Variants in SH3RF1 observed in about 807,000 individuals in gnomAD.
The protein encoded by SH3RF1 is SH3 domain containing ring finger 1.
In SH3RF1, 32 loss-of-function variants were observed where a neutral mutation model predicts 74.0. The observed-to-expected ratio is 0.43, with a 90% CI of 0.33 to 0.58. SH3RF1 has a LOEUF of 0.58. SH3RF1 is among the 20% of genes least tolerant of loss of function. The pLI, the probability that SH3RF1 is intolerant of heterozygous loss-of-function variation, is 0.05. For missense variants in SH3RF1, 954 were observed against 1,130.9 expected (o/e 0.84, Z 2.24); for synonymous variants, 396 against 439.6 (o/e 0.90, Z 1.24).
intron 2 of SH3RF1, among the ~76,000 whole-genome samples, chr4:169,227,489 T>C (rs1375745873): frequency 6.6e-6 from 1 of 152,226 alleles, no homozygotes; most frequent in African/African-American, 2.4e-5. Context: ...GTATCAGGCA[T>C]AGAGTTGGAA....
At chr4:169,140,194 A>G (rs1733761262) in intron 4 of SH3RF1, among the ~76,000 whole-genome samples, 1 of 152,256 alleles carries the variant, frequency 6.6e-6, no homozygotes, top group Admixed American at 6.5e-5. Flanking sequence ...AGGCAGAAAC[A>G]TAAAGCAGCT....
chr4:169,163,180 TCATTAATCATTTG>T (rs1368169942), intron 2 of SH3RF1, among the ~76,000 whole-genome samples: 1 of 151,648 alleles, frequency 6.6e-6, no homozygotes, highest in Non-Finnish European at 1.5e-5. Flanking sequence ...TGTACTCTCA[TCATTAATCATTTG>T]CATAATGAAT....
At chr4:169,098,068 C>T (rs1014929565) in intron 11 of SH3RF1, among the ~76,000 whole-genome samples, 1 of 152,250 alleles carries the variant, frequency 6.6e-6, no homozygotes, top group South Asian at 2.1e-4. Flanking sequence ...TCAAGAAATA[C>T]TCTAAGCCAG....
chr4:169,167,249 A>G (rs1734261666), intron 2 of SH3RF1: 1 of 152,708 alleles, frequency 6.5e-6, no homozygotes, highest in Non-Finnish European at 1.5e-5. Flanking sequence ...AGGCAACTGC[A>G]AAATAAAACC....
intron 1 of SH3RF1, 115 bp from the exon 2 acceptor site, chr4:169,269,422 T>C (rs751491084): frequency 3.9e-6 from 2 of 518,744 alleles, no homozygotes; most frequent in Middle Eastern, 5.1e-4. Context: ...CCTGTCTGAA[T>C]AGTGTAGCTT....
chr4:169,146,656 C>G lies in SH3RF1; in HGVS notation c.765+8824G>C, dbSNP rs1412929061. 2.0e-5 allele frequency among the ~76,000 whole-genome samples: 3 copies of G among 152,098 alleles called. No homozygotes were observed. The East Asian group carries it at 5.8e-4, about 29-fold the overall frequency. ...TTTCAGAGACTGGAGTGACCAGAGG[C>G]TAACACTAACTGCAGGGAGTAAGAA... is the stretch of plus-strand genomic sequence containing the variant. On this transcript the variant is annotated intron_variant, in intron 4 of 11. Transcript: ENST00000284637.
At chr4:169,209,416 G>T (rs1330206752) in intron 2 of SH3RF1, among the ~76,000 whole-genome samples, 1 of 152,044 alleles carries the variant, frequency 6.6e-6, no homozygotes, top group African/African-American at 2.4e-5. Flanking sequence ...TCAGTTTAAG[G>T]TATCGTCCCC....
intron 2 of SH3RF1, among the ~76,000 whole-genome samples, chr4:169,209,113 A>G (rs1730314747): frequency 6.6e-6 from 1 of 151,904 alleles, no homozygotes; most frequent in Admixed American, 6.6e-5. Context: ...ACATGGTGAA[A>G]CCCCATCTCT....
chr4:169,213,444 T>C (rs1673403048), intron 2 of SH3RF1, among the ~76,000 whole-genome samples: 1 of 152,258 alleles, frequency 6.6e-6, no homozygotes, highest in South Asian at 2.1e-4. Flanking sequence ...ATCAGATATA[T>C]CTTTCACAAA....
At chr4:169,243,208 A>C (rs1730941111) in intron 2 of SH3RF1, among the ~76,000 whole-genome samples, 1 of 152,222 alleles carries the variant, frequency 6.6e-6, no homozygotes, top group Non-Finnish European at 1.5e-5. Context: ...GGCATATAAG[A>C]ATAAGGGAAA....
chr4:169,248,701 T>G (rs1185442957), intron 2 of SH3RF1, among the ~76,000 whole-genome samples: 1 of 152,220 alleles, frequency 6.6e-6, no homozygotes, highest in African/African-American at 2.4e-5. Flanking sequence ...AACATCCACG[T>G]GAGCAGTCCA....
intron 2 of SH3RF1, among the ~76,000 whole-genome samples, chr4:169,169,604 A>T (rs775333684): frequency 6.6e-6 from 1 of 151,430 alleles, no homozygotes; most frequent in South Asian, 2.1e-4. Context: ...TTCAAAAAAT[A>T]AAAAAAAATA....
chr4:169,240,716 T>G (rs183740394), intron 2 of SH3RF1, among the ~76,000 whole-genome samples: 2 of 152,302 alleles, frequency 1.3e-5, no homozygotes, highest in Admixed American at 1.3e-4. Context: ...GTGAGAATAT[T>G]TGAAATCTAC....
intron 4 of SH3RF1, among the ~76,000 whole-genome samples, chr4:169,144,835 C>T (rs1403603108): frequency 6.6e-6 from 1 of 151,888 alleles, no homozygotes; most frequent in Non-Finnish European, 1.5e-5. Flanking sequence ...AAAAACCACT[C>T]TAAGTCAAGC....
intron 2 of SH3RF1, among the ~76,000 whole-genome samples, chr4:169,211,481 CAAAA>C (rs760721489): frequency 7.7e-5 from 7 of 90,966 alleles, no homozygotes; most frequent in African/African-American, 2.8e-4. Flanking sequence ...GACTCCGTCT[CAAAA>C]AAAAAAAAAA....
chr4:169,133,576 G>A (rs1223047643), intron 5 of SH3RF1, among the ~76,000 whole-genome samples: 8 of 151,634 alleles, frequency 5.3e-5, no homozygotes, highest in Non-Finnish European at 2.9e-5. Flanking sequence ...TCAGGAGTTC[G>A]AGACCAGCCT....
At chr4:169,244,978 A>C (rs1336976316) in intron 2 of SH3RF1, among the ~76,000 whole-genome samples, 9 of 152,208 alleles carry the variant, frequency 5.9e-5, no homozygotes. Context: ...GACATACAGA[A>C]GTAAATATAC....
chr4:169,167,676 T>C (rs1313680712), intron 2 of SH3RF1, among the ~76,000 whole-genome samples: 5 of 152,204 alleles, frequency 3.3e-5, no homozygotes, highest in African/African-American at 4.8e-5. Flanking sequence ...ACGAATCTCT[T>C]GTGGTAAAAA....
chr4:169,249,224 T>C (rs1259552286), intron 2 of SH3RF1, among the ~76,000 whole-genome samples: 3 of 151,688 alleles, frequency 2.0e-5, no homozygotes, highest in South Asian at 2.1e-4. Flanking sequence ...CGAGACTCCG[T>C]CTCAAAAAAA....
Sources: allele counts gnomAD v4.1 joint callset (sites outside exome capture counted in the v4.1 genomes callset), GRCh38; gene constraint gnomAD v4.1.1; transcripts MANE v1.5; gene names NCBI Gene and HGNC (gene_info 2026-07-23, HGNC 2026-07-21).